Variants in ACYP2 observed in about 807,000 individuals in gnomAD.
The protein encoded by ACYP2 is acylphosphatase 2.
ACYP2 carries 12 observed loss-of-function variants against 11.2 expected under a neutral mutation model. That is an observed-to-expected ratio of 1.08 (90% CI 0.69 to 1.74). The LOEUF (loss-of-function observed/expected upper bound fraction) is 1.74. Among genes scored for constraint, ACYP2 ranks in the 40% most tolerant of loss-of-function variants. ACYP2 has a pLI of 0.00. For missense variants in ACYP2, 134 were observed against 101.9 expected (o/e 1.31, Z -1.35); for synonymous variants, 43 against 32.2 (o/e 1.33, Z -1.13).
At chr2:53,974,215 T>C (rs1671350261) in intron 2 of ACYP2, among the ~76,000 whole-genome samples, 2 of 152,022 alleles carry the variant, frequency 1.3e-5, no homozygotes, top group African/African-American at 4.8e-5. Context: ...AGCCCGGCCA[T>C]ATTTAGATAT....
chr2:54,046,589 C>T (rs11687324), intron 2 of ACYP2, among the ~76,000 whole-genome samples: 82,481 of 151,614 alleles, frequency 0.54, 22,581 homozygotes, highest in East Asian at 0.7. Context: ...AGTGGAGATA[C>T]GGCCTCGACA....
At chr2:54,001,196 A>T (rs569089291) in intron 2 of ACYP2, among the ~76,000 whole-genome samples, 114 of 152,208 alleles carry the variant, frequency 7.5e-4, no homozygotes, top group South Asian at 2.1e-3. Flanking sequence ...TCTCTCCAGA[A>T]AATTTAAGAA....
intron 2 of ACYP2, among the ~76,000 whole-genome samples, chr2:54,007,157 A>G (rs1212103771): frequency 2.1e-5 from 3 of 145,500 alleles, no homozygotes; most frequent in Admixed American, 6.8e-5. Flanking sequence ...AAAAAAAAAA[A>G]AAAAAAAGAA....
chr2:54,216,239 C>G (rs1185647921), intron 6 of ACYP2, among the ~76,000 whole-genome samples: 1 of 152,084 alleles, frequency 6.6e-6, no homozygotes. Context: ...TATTTCTGTG[C>G]CAGATTTATA....
intron 4 of ACYP2, among the ~76,000 whole-genome samples, chr2:54,061,680 G>A (rs1676476170): frequency 1.3e-5 from 2 of 152,180 alleles, no homozygotes; most frequent in African/African-American, 2.4e-5. Flanking sequence ...CAGTTACCAT[G>A]CATGTTAGTT....
At chr2:54,140,302 A>T (rs948195768) in intron 6 of ACYP2, among the ~76,000 whole-genome samples, 7 of 152,208 alleles carry the variant, frequency 4.6e-5, no homozygotes, top group African/African-American at 1.7e-4. Flanking sequence ...TATAGTTTTT[A>T]AAAACGGGGA....
intron 6 of ACYP2, among the ~76,000 whole-genome samples, chr2:54,258,428 C>T (rs149958461): frequency 9.9e-5 from 15 of 152,188 alleles, no homozygotes; most frequent in Middle Eastern, 3.4e-3. Flanking sequence ...ACAAGGAGGC[C>T]AGCGTGACTG....
intron 6 of ACYP2, among the ~76,000 whole-genome samples, chr2:54,273,718 G>A (rs1382193743): frequency 1.3e-5 from 2 of 152,086 alleles, no homozygotes; most frequent in Non-Finnish European, 2.9e-5. Flanking sequence ...CACCTGCCTC[G>A]ACCTGCCAGT....
At chr2:54,127,697 G>A (rs1197457648) in intron 4 of ACYP2, among the ~76,000 whole-genome samples, 4 of 141,752 alleles carry the variant, frequency 2.8e-5, no homozygotes, top group East Asian at 2.2e-4. Context: ...GCAATGAGCC[G>A]AGATCACACC....
At chr2:54,002,663 T>A (rs1489674281) in intron 2 of ACYP2, among the ~76,000 whole-genome samples, 1 of 147,532 alleles carries the variant, frequency 6.8e-6, no homozygotes, top group Admixed American at 6.7e-5. Flanking sequence ...TTATTTTATT[T>A]TTTTTGAGAC....
At chr2:54,110,919 C>A (rs1679427102) in intron 4 of ACYP2, among the ~76,000 whole-genome samples, 1 of 151,800 alleles carries the variant, frequency 6.6e-6, no homozygotes, top group African/African-American at 2.4e-5. Flanking sequence ...CCAAGCAGAG[C>A]AAAGAGAGGT....
At chr2:54,282,703 G>C (rs1573047129) in intron 6 of ACYP2, among the ~76,000 whole-genome samples, 1 of 152,008 alleles carries the variant, frequency 6.6e-6, no homozygotes, top group African/African-American at 2.4e-5. Context: ...CACCAGACTA[G>C]TGACAATTTT....
intron 2 of ACYP2, among the ~76,000 whole-genome samples, chr2:53,979,727 A>T (rs886771269): frequency 3.9e-5 from 6 of 151,958 alleles, no homozygotes; most frequent in Admixed American, 1.3e-4. Context: ...TTTTAGATGG[A>T]GTCTCACTCT....
intron 6 of ACYP2, among the ~76,000 whole-genome samples, chr2:54,265,061 T>G (rs939119889): frequency 6.6e-6 from 1 of 152,206 alleles, no homozygotes; most frequent in Non-Finnish European, 1.5e-5. Context: ...GCTATTTGAT[T>G]GTACTATGCT....
At chr2:54,166,190 C>G (rs143575140) in intron 6 of ACYP2, among the ~76,000 whole-genome samples, 1 of 152,160 alleles carries the variant, frequency 6.6e-6, no homozygotes, top group Admixed American at 6.5e-5. Context: ...TGTCAGAGAG[C>G]ACCCAGAGGG....
chr2:54,287,411 G>A (rs560397756), intron 6 of ACYP2, among the ~76,000 whole-genome samples: 1 of 152,078 alleles, frequency 6.6e-6, no homozygotes, highest in South Asian at 2.1e-4. Context: ...TTTACCATAT[G>A]AAATTTGGGG....
rs562272167 is a variant in ACYP2 at position 54,085,864 on chromosome 2, G to C, written c.277+28504G>C. 3.3e-5 allele frequency among the ~76,000 whole-genome samples: 5 copies of C among 151,790 alleles called. No homozygotes were observed. The South Asian group carries it at 1.0e-3, about 32-fold the overall frequency. ...TTGAAGTTTTTCAAAATAAAATGTT[G>C]GGAAAAATATGTATATATATATATA... is the stretch of plus-strand genomic sequence containing the variant. On this transcript the variant is annotated intron_variant, in intron 4 of 6. Coordinates refer to ENST00000607452, the MANE Select transcript of ACYP2 (RefSeq NM_001320586.2).
At chr2:54,152,415 T>C (rs1386404845) in intron 6 of ACYP2, among the ~76,000 whole-genome samples, 1 of 152,178 alleles carries the variant, frequency 6.6e-6, no homozygotes, top group Non-Finnish European at 1.5e-5. Context: ...TGAGCCACTG[T>C]GCCTGTCCAG....
intron 4 of ACYP2, among the ~76,000 whole-genome samples, chr2:54,117,108 A>G (rs956079696): frequency 1.3e-5 from 2 of 152,194 alleles, no homozygotes; most frequent in Non-Finnish European, 2.9e-5. Flanking sequence ...AACCGAGCAT[A>G]CTGACATACT....
Sources: allele counts gnomAD v4.1 joint callset (sites outside exome capture counted in the v4.1 genomes callset), GRCh38; gene constraint gnomAD v4.1.1; transcripts MANE v1.5; gene names NCBI Gene and HGNC (gene_info 2026-07-23, HGNC 2026-07-21).